Variants in SHLD1 observed in about 807,000 individuals in gnomAD.
The protein encoded by SHLD1 is RINN1-REV7-interacting novel NHEJ regulator 3.
In SHLD1, 3 loss-of-function variants were observed where a neutral mutation model predicts 5.5. The ratio of observed to expected loss-of-function variants is 0.54; its 90% confidence interval spans 0.25 to 1.40. The LOEUF (loss-of-function observed/expected upper bound fraction) is 1.40. SHLD1 is among the 40% of genes most tolerant of loss of function. The pLI, the probability that SHLD1 is intolerant of heterozygous loss-of-function variation, is 0.15. For synonymous variants in SHLD1, 92 were observed against 94.3 expected, an observed-to-expected ratio of 0.98 and a Z score of 0.14; for missense variants, 210 against 244.4, an observed-to-expected ratio of 0.86 and a Z score of 0.94.
intron 1 of SHLD1, among the ~76,000 whole-genome samples, chr20:5,768,044 G>C (rs1006644097): frequency 6.9e-5 from 10 of 145,836 alleles, no homozygotes; most frequent in Non-Finnish European, 1.5e-4. Context: ...GTGTGATCTC[G>C]GCTCACTGCG....
intron 2 of SHLD1, among the ~76,000 whole-genome samples, chr20:5,846,855 T>C (rs2087938431): frequency 6.6e-6 from 1 of 152,232 alleles, no homozygotes; most frequent in Non-Finnish European, 1.5e-5. Flanking sequence ...CTTGGTTATT[T>C]CTTTATTGCA....
intron 2 of SHLD1, among the ~76,000 whole-genome samples, chr20:5,796,186 C>T (rs1462186727): frequency 6.6e-6 from 1 of 151,930 alleles, no homozygotes; most frequent in African/African-American, 2.4e-5. Flanking sequence ...GAGCAATAAT[C>T]CAAATTTTAA....
At chr20:5,823,508 C>T (rs754648818) in intron 2 of SHLD1, among the ~76,000 whole-genome samples, 3 of 150,558 alleles carry the variant, frequency 2.0e-5, no homozygotes, top group African/African-American at 4.9e-5. Context: ...AGTGTAATGA[C>T]GCGATCTCAG....
At chr20:5,840,869 G>T (rs1333960873) in intron 2 of SHLD1, among the ~76,000 whole-genome samples, 1 of 152,006 alleles carries the variant, frequency 6.6e-6, no homozygotes, top group East Asian at 1.9e-4. Context: ...GTTGTAATAA[G>T]GTAAGGCATT....
intron 2 of SHLD1, among the ~76,000 whole-genome samples, chr20:5,851,136 C>T (rs982688726): frequency 1.3e-5 from 2 of 152,182 alleles, no homozygotes; most frequent in African/African-American, 4.8e-5. Context: ...CTGGGAGCTT[C>T]AACACAAATC....
chr20:5,813,835 C>T (rs906071571), intron 2 of SHLD1, among the ~76,000 whole-genome samples: 3 of 151,538 alleles, frequency 2.0e-5, no homozygotes, highest in Non-Finnish European at 4.4e-5. Context: ...ACTTATGGCA[C>T]TATTTCCTCC....
intron 2 of SHLD1, among the ~76,000 whole-genome samples, chr20:5,817,713 T>TGTGC (rs11474768): frequency 0.6 from 90,936 of 151,764 alleles, 29,562 homozygotes; most frequent in Non-Finnish European, 0.74. Flanking sequence ...TGCCTGGCAT[T>TGTGC]ATGACTTAGT....
At chr20:5,862,700 A>C (rs1301352444) in intron 2 of SHLD1, among the ~76,000 whole-genome samples, 2 of 152,236 alleles carry the variant, frequency 1.3e-5, no homozygotes, top group East Asian at 3.8e-4. Flanking sequence ...GGAAATGCTT[A>C]ATTTCAGGTT....
chr20:5,752,318 C>G (rs1032940447), intron 1 of SHLD1, among the ~76,000 whole-genome samples: 4 of 151,716 alleles, frequency 2.6e-5, no homozygotes, highest in South Asian at 2.1e-4. Flanking sequence ...ATTGCTTGAA[C>G]CCAGGAGACA....
chr20:5,801,797 C>T (rs2087298230), intron 2 of SHLD1, among the ~76,000 whole-genome samples: 5 of 152,112 alleles, frequency 3.3e-5, no homozygotes, highest in South Asian at 2.1e-4. Flanking sequence ...CCCCGCCCCC[C>T]GTATCCCATA....
At chr20:5,827,757 C>T (rs1259201403) in intron 2 of SHLD1, among the ~76,000 whole-genome samples, 2 of 152,210 alleles carry the variant, frequency 1.3e-5, no homozygotes, top group Non-Finnish European at 2.9e-5. Context: ...CTGCAGATTT[C>T]CCTTGCCTCC....
At chr20:5,847,952 G>A (rs1012007882) in intron 2 of SHLD1, among the ~76,000 whole-genome samples, 3 of 152,094 alleles carry the variant, frequency 2.0e-5, no homozygotes, top group African/African-American at 7.2e-5. Flanking sequence ...GGTTCACTGA[G>A]GCCTTATTTG....
chr20:5,797,802 C>G lies in SHLD1; in HGVS notation c.178+24759C>G, dbSNP rs6053710. Among the ~76,000 whole-genome samples the G allele has an allele frequency of 7.7e-3, 1,170 of 152,256 alleles. 16 individuals carry two copies. Among genetic ancestry groups the G allele is most frequent in the African/African-American group, 0.027 (1,104 of 41,536 alleles). On this transcript the variant is annotated intron_variant, in intron 2 of 2. Coordinates refer to ENST00000303142, the MANE Select transcript of SHLD1 (RefSeq NM_152504.4). ...ACTTGATTTCACTGATACCTGCAGTCCTAGGCTTGCCAGTGTCCCAGGCCT... is the reference window on the plus strand; with the variant it reads ...ACTTGATTTCACTGATACCTGCAGTGCTAGGCTTGCCAGTGTCCCAGGCCT...
At chr20:5,860,095 T>C (rs1440554903) in intron 2 of SHLD1, among the ~76,000 whole-genome samples, 1 of 149,648 alleles carries the variant, frequency 6.7e-6, no homozygotes, top group Non-Finnish European at 1.5e-5. Context: ...CTTCCCAGCT[T>C]CTGTCTTCCA....
chr20:5,800,029 C>T (rs1185274696), intron 2 of SHLD1, among the ~76,000 whole-genome samples: 1 of 151,456 alleles, frequency 6.6e-6, no homozygotes, highest in Non-Finnish European at 1.5e-5. Flanking sequence ...TGATTTTGTC[C>T]TTCAGGGGGT....
Position 5,752,258 on chromosome 20 carries a change from C to T in SHLD1, c.-5+1779C>T, listed in dbSNP as rs151068873. Reference sequence around the variant, plus strand: ...GAAAAATAAAAAAATTAGCCAGGCACGGTGGCGTGCGCCTGTAATCCCAGC... The same window carrying T: ...GAAAAATAAAAAAATTAGCCAGGCATGGTGGCGTGCGCCTGTAATCCCAGC... On this transcript the variant is annotated intron_variant, in intron 1 of 2. Coordinates refer to ENST00000303142, the MANE Select transcript of SHLD1 (RefSeq NM_152504.4). Among the ~76,000 whole-genome samples the T allele has an allele frequency of 3.2e-3, 490 of 152,096 alleles. 4 individuals carry two copies. Among genetic ancestry groups the T allele is most frequent in the Middle Eastern group, 0.024 (7 of 294 alleles).
At chr20:5,814,247 C>A (rs563271921) in intron 2 of SHLD1, among the ~76,000 whole-genome samples, 1 of 152,166 alleles carries the variant, frequency 6.6e-6, no homozygotes, top group Middle Eastern at 3.4e-3. Context: ...TGAGCCACCG[C>A]GCCCGACCCC....
At chr20:5,757,746 G>C (rs1378109308) in intron 1 of SHLD1, among the ~76,000 whole-genome samples, 1 of 151,924 alleles carries the variant, frequency 6.6e-6, no homozygotes, top group East Asian at 1.9e-4. Flanking sequence ...GGGATTACAG[G>C]TGCCCACCAC....
intron 2 of SHLD1, 30 bp downstream of exon 2, chr20:5,773,073 T>C (rs1419897423): frequency 1.9e-6 from 3 of 1,611,220 alleles, no homozygotes; most frequent in Non-Finnish European, 2.5e-6. Flanking sequence ...ACAAACTAAC[T>C]TAAAAACAAC....
Sources: gnomAD v4.1 joint callset for allele counts (sites outside exome capture counted in the v4.1 genomes callset) on GRCh38, gnomAD v4.1.1 for gene constraint, MANE v1.5 for transcripts, NCBI Gene and HGNC (gene_info 2026-07-23, HGNC 2026-07-21) for gene names.